Variants in NMRK1 observed in about 807,000 individuals in gnomAD.
NMRK1 encodes nicotinamide riboside kinase 1, also known as NRK 1.
In NMRK1, 28 loss-of-function variants were observed where a neutral mutation model predicts 29.9. That is an observed-to-expected ratio of 0.94 (90% CI 0.69 to 1.28). The LOEUF (loss-of-function observed/expected upper bound fraction) is 1.28, where lower values mean the gene tolerates loss of function less well. Ranked by LOEUF, NMRK1 falls within the 50% of genes most tolerant of loss-of-function variation. The pLI, the probability that NMRK1 is intolerant of heterozygous loss-of-function variation, is 0.00. For missense variants in NMRK1, 218 were observed against 233.1 expected, an observed-to-expected ratio of 0.94 and a Z score of 0.42; for synonymous variants, 58 against 73.0, an observed-to-expected ratio of 0.79 and a Z score of 1.05.
intron 8 of NMRK1, among the ~76,000 whole-genome samples, chr9:75,064,262 C>A (rs1355561759): frequency 6.6e-6 from 1 of 152,096 alleles, no homozygotes; most frequent in East Asian, 1.9e-4. Flanking sequence ...ATCACTTAGT[C>A]ATAAAGGAAA....
At chr9:75,075,866 C>CA (rs1823959309) in intron 4 of NMRK1, among the ~76,000 whole-genome samples, 3 of 152,276 alleles carry the variant, frequency 2.0e-5, no homozygotes, top group Non-Finnish European at 4.4e-5. Context: ...AATGTAGCTA[C>CA]TTATACATCT....
At chr9:75,070,958 G>A in intron 4 of NMRK1, among the ~76,000 whole-genome samples, 1 of 151,126 alleles carries the variant, frequency 6.6e-6, no homozygotes, top group Non-Finnish European at 1.5e-5. Context: ...TTTGCTTTTG[G>A]TATTTGTAAT....
chr9:75,064,507 A>G (rs1823225933), intron 8 of NMRK1, among the ~76,000 whole-genome samples: 1 of 152,214 alleles, frequency 6.6e-6, no homozygotes, highest in Non-Finnish European at 1.5e-5. Flanking sequence ...CCTGACTTTC[A>G]TCAAAGTAAC....
chr9:75,076,443 G>A (rs1267287083), intron 4 of NMRK1, among the ~76,000 whole-genome samples: 1 of 151,908 alleles, frequency 6.6e-6, no homozygotes, highest in Non-Finnish European at 1.5e-5. Context: ...CAGGTGGGGG[G>A]GAATGAAGGG....
At chr9:75,064,083 T>G (rs1823200315) in intron 8 of NMRK1, among the ~76,000 whole-genome samples, 1 of 152,130 alleles carries the variant, frequency 6.6e-6, no homozygotes, top group South Asian at 2.1e-4. Flanking sequence ...GAAATGCACT[T>G]TCTTGTGAGC....
At chr9:75,083,233 AC>A in intron 1 of NMRK1, 83 bp from the exon 2 acceptor site, 1 of 727,524 alleles carries the variant, frequency 1.4e-6, no homozygotes, top group South Asian at 1.6e-5. Flanking sequence ...AATTAGGAGC[AC>A]CAGCTGAGAG....
At chr9:75,079,864 C>T (rs572373726) in intron 2 of NMRK1, among the ~76,000 whole-genome samples, 4 of 152,308 alleles carry the variant, frequency 2.6e-5, no homozygotes, top group African/African-American at 9.6e-5. Context: ...ACAACCACCA[C>T]GTGTAGCTTG....
chr9:75,085,362 T>C (rs1006486316), intron 1 of NMRK1, among the ~76,000 whole-genome samples: 3 of 152,254 alleles, frequency 2.0e-5, no homozygotes, highest in Non-Finnish European at 4.4e-5. Context: ...AGCTGACTTC[T>C]TTCTATCACT....
intron 4 of NMRK1, among the ~76,000 whole-genome samples, chr9:75,071,986 C>T (rs1042099163): frequency 6.6e-6 from 1 of 152,182 alleles, no homozygotes; most frequent in Non-Finnish European, 1.5e-5. Flanking sequence ...ACTCACCCTG[C>T]CTTGCTAATG....
At chr9:75,070,562 A>G (rs1216125871) in intron 4 of NMRK1, among the ~76,000 whole-genome samples, 1 of 152,200 alleles carries the variant, frequency 6.6e-6, no homozygotes. Flanking sequence ...CACTCTAAAA[A>G]TGTACATACT....
intron 4 of NMRK1, among the ~76,000 whole-genome samples, chr9:75,075,201 C>T (rs1449303476): frequency 6.6e-6 from 1 of 152,180 alleles, no homozygotes; most frequent in African/African-American, 2.4e-5. Flanking sequence ...CCTTTTCCTA[C>T]TGGGATATTA....
chr9:75,069,310 A>C (rs1217559973), intron 6 of NMRK1: 3 of 544,212 alleles, frequency 5.5e-6, no homozygotes, highest in East Asian at 2.9e-5. Context: ...TTTGTAATCC[A>C]CTGACTATCA....
At chr9:75,085,704 T>C (rs2118283408) in intron 1 of NMRK1, among the ~76,000 whole-genome samples, 1 of 146,224 alleles carries the variant, frequency 6.8e-6, no homozygotes, top group East Asian at 2.1e-4. Context: ...TTATAAAATC[T>C]CTCAGATACA....
chr9:75,079,700 C>T (rs1359751384), intron 2 of NMRK1, among the ~76,000 whole-genome samples: 1 of 151,976 alleles, frequency 6.6e-6, no homozygotes, highest in African/African-American at 2.4e-5. Context: ...TCAGGCCACC[C>T]AAAACATGGC....
intron 1 of NMRK1, among the ~76,000 whole-genome samples, chr9:75,084,461 C>T (rs1255662847): frequency 6.6e-6 from 1 of 152,222 alleles, no homozygotes; most frequent in East Asian, 1.9e-4. Context: ...CTTCCATTAA[C>T]AAGTCTATGT....
intron 2 of NMRK1, among the ~76,000 whole-genome samples, chr9:75,081,603 C>A (rs1824325291): frequency 6.6e-6 from 1 of 152,076 alleles, no homozygotes; most frequent in African/African-American, 2.4e-5. Context: ...TACAGAGATG[C>A]CAGATGAAGG....
At chr9:75,086,038 C>T (rs139060106) in intron 1 of NMRK1, among the ~76,000 whole-genome samples, 1 of 152,036 alleles carries the variant, frequency 6.6e-6, no homozygotes, top group African/African-American at 2.4e-5. Context: ...GCACTGTCCA[C>T]CTCCACATCA....
chr9:75,062,903 G>C (rs868434993), intron 8 of NMRK1, among the ~76,000 whole-genome samples: 1 of 152,094 alleles, frequency 6.6e-6, no homozygotes, highest in Non-Finnish European at 1.5e-5. Flanking sequence ...GTGGTAGTGC[G>C]TACCTGTAAT....
intron 2 of NMRK1, among the ~76,000 whole-genome samples, chr9:75,079,246 C>T (rs1366164823): frequency 6.6e-6 from 1 of 152,168 alleles, no homozygotes; most frequent in East Asian, 1.9e-4. Flanking sequence ...GGATATGGGC[C>T]ATCTCTTTGA....
Sources: gnomAD v4.1 joint callset for allele counts (sites outside exome capture counted in the v4.1 genomes callset) on GRCh38, gnomAD v4.1.1 for gene constraint, MANE v1.5 for transcripts, NCBI Gene and HGNC (gene_info 2026-07-23, HGNC 2026-07-21) for gene names.